STRBP: variants seen among roughly 807,000 people sequenced by gnomAD.
The protein encoded by STRBP is spermatid perinuclear RNA-binding protein.
In STRBP, 13 loss-of-function variants were observed where a neutral mutation model predicts 80.1. The ratio of observed to expected loss-of-function variants is 0.16; its 90% CI spans 0.11 to 0.26. STRBP has a LOEUF of 0.26. Among genes scored for constraint, STRBP ranks in the 10% least tolerant of loss-of-function variants. STRBP has a pLI of 1.00. For missense variants in STRBP, 485 were observed against 815.2 expected (o/e 0.59, Z 4.93); for synonymous variants, 284 against 291.2 (o/e 0.98, Z 0.25).
In STRBP at chr9:123,126,986, AC is replaced by A. The variant is rs1190080397; in HGVS notation, c.1942+1227del. Among the ~76,000 whole-genome samples the A allele has an allele frequency of 2.0e-5, 3 of 152,334 alleles. No homozygotes were observed. In the East Asian group the frequency reaches 5.8e-4, roughly 29 times the overall value. ...TAGTCTCCAATTCCTAGTTACCCATACGGCTCAGTTCAAAATATGGGGAAGC... is the reference window on the plus strand; with the variant it reads ...TAGTCTCCAATTCCTAGTTACCCATAGGCTCAGTTCAAAATATGGGGAAGC... On this transcript the variant is annotated intron_variant, in intron 18 of 18. Transcript: ENST00000348403. The surrounding 1 kb of genome is among the most constrained non-coding windows in gnomAD (Gnocchi z 4.4).
At chr9:123,189,713 G>C (rs545718267) in intron 2 of STRBP, among the ~76,000 whole-genome samples, 4 of 151,782 alleles carry the variant, frequency 2.6e-5, no homozygotes, top group Non-Finnish European at 4.4e-5. Context: ...TGGGGGGCTG[G>C]GGGAGGGATA....
At chr9:123,199,354 A>T (rs1019186124) in intron 2 of STRBP, among the ~76,000 whole-genome samples, 12 of 152,166 alleles carry the variant, frequency 7.9e-5, no homozygotes, top group African/African-American at 2.9e-4. Context: ...AATGGCTTTG[A>T]CTACGCAGGC....
chr9:123,191,049 G>C (rs1328167488), intron 2 of STRBP, among the ~76,000 whole-genome samples: 3 of 152,190 alleles, frequency 2.0e-5, no homozygotes, highest in Non-Finnish European at 4.4e-5. Flanking sequence ...CCTTGCCCTT[G>C]TGGTTTAAGT....
chr9:123,154,459 T>C (rs2037193762), intron 11 of STRBP, among the ~76,000 whole-genome samples: 2 of 152,154 alleles, frequency 1.3e-5, no homozygotes, highest in South Asian at 4.1e-4. Flanking sequence ...TCAGAAATGG[T>C]ATTTCTTGGT....
chr9:123,266,948 C>A (rs1436254095), intron 1 of STRBP, among the ~76,000 whole-genome samples: 1 of 151,892 alleles, frequency 6.6e-6, no homozygotes, highest in Non-Finnish European at 1.5e-5. Flanking sequence ...TACTCCAGAC[C>A]TGTCCACCTT....
intron 2 of STRBP, among the ~76,000 whole-genome samples, chr9:123,203,001 G>C (rs535573128): frequency 6.6e-6 from 1 of 152,176 alleles, no homozygotes; most frequent in Non-Finnish European, 1.5e-5. Flanking sequence ...TTCCCCACCT[G>C]AAAATAAACC....
intron 2 of STRBP, among the ~76,000 whole-genome samples, chr9:123,226,750 C>T (rs562836837): frequency 2.1e-4 from 29 of 140,154 alleles, no homozygotes; most frequent in Non-Finnish European, 3.3e-4. Flanking sequence ...TTCAGCTTAG[C>T]GGTGTTGGGG....
At chr9:123,233,442 G>C (rs568011712) in intron 2 of STRBP, among the ~76,000 whole-genome samples, 1 of 152,140 alleles carries the variant, frequency 6.6e-6, no homozygotes, top group African/African-American at 2.4e-5. Context: ...TTATATGTAT[G>C]TCAAAATGTT....
chr9:123,220,679 T>G (rs1185883356), intron 2 of STRBP, among the ~76,000 whole-genome samples: 2 of 152,212 alleles, frequency 1.3e-5, no homozygotes, highest in Non-Finnish European at 2.9e-5. Context: ...AAGTCAACAA[T>G]GTATCACTGT....
intron 2 of STRBP, among the ~76,000 whole-genome samples, chr9:123,218,798 G>A (rs1211297847): frequency 6.6e-6 from 1 of 152,130 alleles, no homozygotes; most frequent in Non-Finnish European, 1.5e-5. Flanking sequence ...CCAGGCATCA[G>A]GGTGAATACT....
At chr9:123,173,545 G>A in intron 5 of STRBP, 132 bp downstream of exon 5, 1 of 877,856 alleles carries the variant, frequency 1.1e-6, no homozygotes, top group South Asian at 1.9e-5. Flanking sequence ...CATTGACCCA[G>A]AGTAGCAGTA....
chr9:123,190,967 C>T (rs1441794329), intron 2 of STRBP, among the ~76,000 whole-genome samples: 1 of 152,148 alleles, frequency 6.6e-6, no homozygotes, highest in Non-Finnish European at 1.5e-5. Flanking sequence ...AAGTATTTAC[C>T]GAACACCTGT....
At chr9:123,225,080 C>T (rs1231522832) in intron 2 of STRBP, among the ~76,000 whole-genome samples, 1 of 152,186 alleles carries the variant, frequency 6.6e-6, no homozygotes, top group Non-Finnish European at 1.5e-5. Context: ...ACCATACACA[C>T]ACAATTTTGA....
intron 6 of STRBP, 88 bp from the exon 7 acceptor site, chr9:123,161,156 T>A: frequency 9.5e-7 from 1 of 1,054,724 alleles, no homozygotes; most frequent in Non-Finnish European, 1.4e-6. Flanking sequence ...ATAAAAAGAA[T>A]AACAGCATTT....
At chr9:123,208,331 G>A (rs1380774063) in intron 2 of STRBP, among the ~76,000 whole-genome samples, 1 of 152,136 alleles carries the variant, frequency 6.6e-6, no homozygotes, top group Non-Finnish European at 1.5e-5. Flanking sequence ...GGAAAGCCCA[G>A]GATGTTTCCC....
chr9:123,222,338 T>A (rs1386825384), intron 2 of STRBP, among the ~76,000 whole-genome samples: 1 of 152,128 alleles, frequency 6.6e-6, no homozygotes, highest in Non-Finnish European at 1.5e-5. Flanking sequence ...TGTTCCAGAC[T>A]TAGACAGCAC....
chr9:123,178,956 A>T (rs1178402511), intron 4 of STRBP, 51 bp downstream of exon 4: 18 of 1,561,884 alleles, frequency 1.2e-5, no homozygotes, highest in Non-Finnish European at 1.6e-5. Flanking sequence ...CAGACCTTAG[A>T]GCTTTGCTGT....
intron 13 of STRBP, among the ~76,000 whole-genome samples, chr9:123,141,837 A>G (rs1421718357): frequency 6.6e-6 from 1 of 152,244 alleles, no homozygotes; most frequent in Non-Finnish European, 1.5e-5. Context: ...TTTTTTATGA[A>G]CAGTTATTCT....
chr9:123,123,413 A>G lies in STRBP; in HGVS notation c.*2184T>C, dbSNP rs2035792808. On this transcript the variant is annotated 3_prime_UTR_variant, in exon 19 of 19. Coordinates refer to ENST00000348403, the MANE Select transcript of STRBP (RefSeq NM_018387.5). ...TTTAAACAGTTGAACTTGCATGGTT[A>G]CCACTTCTAACAAAGGACTGACAGC... 1.0e-6 allele frequency: 1 copy of G among 985,422 alleles called. No individual in the cohort carries two copies. 61.0% of individuals were successfully genotyped at this position (985,422 alleles called of 1,614,324 possible).
Sources: gnomAD v4.1 joint callset for allele counts (sites outside exome capture counted in the v4.1 genomes callset) on GRCh38, gnomAD v4.1.1 for gene constraint, Gnocchi (gnomAD v3.1) non-coding constraint, MANE v1.5 for transcripts, NCBI Gene and HGNC (gene_info 2026-07-23, HGNC 2026-07-21) for gene names.